Variants in DAAM1 observed in about 807,000 individuals in gnomAD.
The protein encoded by DAAM1 is dishevelled associated activator of morphogenesis 1.
A neutral mutation model predicts 130.0 loss-of-function variants in DAAM1; 52 were observed. The ratio of observed to expected loss-of-function variants is 0.40; its 90% CI spans 0.32 to 0.50. The LOEUF (loss-of-function observed/expected upper bound fraction) is 0.50. DAAM1 is among the 20% of genes least tolerant of loss of function. The pLI, the probability that DAAM1 is intolerant of heterozygous loss-of-function variation, is 0.61. For synonymous variants in DAAM1, 452 were observed against 444.5 expected, an observed-to-expected ratio of 1.02 and a Z score of -0.21; for missense variants, 1,134 against 1,303.8, an observed-to-expected ratio of 0.87 and a Z score of 2.01.
intron 2 of DAAM1, among the ~76,000 whole-genome samples, chr14:59,285,135 A>G (rs1360299432): frequency 1.3e-5 from 2 of 152,198 alleles, no homozygotes; most frequent in African/African-American, 4.8e-5. Context: ...ATAAGCCAGA[A>G]GAGATTCAGG....
intron 1 of DAAM1, among the ~76,000 whole-genome samples, chr14:59,217,849 T>A (rs750770226): frequency 8.6e-5 from 13 of 151,776 alleles, no homozygotes; most frequent in Non-Finnish European, 1.9e-4. Flanking sequence ...TAGCCGGGCG[T>A]GGTGGTGGGC....
rs1241596666 is a variant in DAAM1, at chr14:59,370,341, C to G, written c.*1482C>G. The G allele has an allele frequency of 6.6e-6, 1 of 151,766 alleles. No individual in the cohort carries two copies. The highest frequency in any genetic ancestry group is 2.4e-5 in the African/African-American group (1 of 41,302). The allele number at this position is 151,766 out of a possible 1,614,324, so 9.4% of individuals were successfully genotyped here. ...CAATTAACAAATATTTATTAAGTTCCTACTATGTACCAGGCATAGTAGGGC... is the reference window on the plus strand; with the variant it reads ...CAATTAACAAATATTTATTAAGTTCGTACTATGTACCAGGCATAGTAGGGC... On this transcript the variant is annotated 3_prime_UTR_variant, in exon 25 of 25. Transcript: ENST00000360909.
chr14:59,238,494 C>G (rs1889374115), intron 1 of DAAM1, among the ~76,000 whole-genome samples: 1 of 152,048 alleles, frequency 6.6e-6, no homozygotes, highest in African/African-American at 2.4e-5. Flanking sequence ...CTTTTGTTTC[C>G]CACCCTCTGG....
intron 1 of DAAM1, among the ~76,000 whole-genome samples, chr14:59,255,010 A>T (rs895334399): frequency 6.6e-6 from 1 of 152,022 alleles, no homozygotes; most frequent in Admixed American, 6.5e-5. Flanking sequence ...TCTGGCTTCC[A>T]CTCTGTGTCC....
rs937104572 is a variant in DAAM1, at chr14:59,355,457, C to G, written c.2525+124C>G. Reference sequence around the variant, plus strand: ...TTCTTCAGTTGGAACTTCTCTTTCTCACTACTTTCTTCCCTTCTCTGACAT... The same window carrying G: ...TTCTTCAGTTGGAACTTCTCTTTCTGACTACTTTCTTCCCTTCTCTGACAT... On this transcript the variant is annotated intron_variant, in intron 20 of 24. Transcript: ENST00000360909. 8.4e-6 allele frequency: 10 copies of G among 1,196,604 alleles called. No homozygotes were observed. In the African/African-American group the frequency reaches 1.2e-4, roughly 15 times the overall value. The allele number at this position is 1,196,604 out of a possible 1,614,324, so 74.1% of individuals were successfully genotyped here.
chr14:59,309,334 A>T (rs560571622), intron 3 of DAAM1, among the ~76,000 whole-genome samples: 1 of 152,364 alleles, frequency 6.6e-6, no homozygotes, highest in South Asian at 2.1e-4. Flanking sequence ...CAGGCATGGT[A>T]GGTCACTGCT....
At chr14:59,302,343 C>A (rs753624293) in intron 3 of DAAM1, among the ~76,000 whole-genome samples, 2 of 152,180 alleles carry the variant, frequency 1.3e-5, no homozygotes, top group African/African-American at 4.8e-5. Flanking sequence ...CAATATACAG[C>A]TGAGAAAAAG....
chr14:59,289,784 A>ATATATATATATATATACATATATATATAT, intron 2 of DAAM1, among the ~76,000 whole-genome samples: 3 of 128,704 alleles, frequency 2.3e-5, no homozygotes, highest in African/African-American at 5.7e-5. Context: ...ATATATATAT[A>ATATATATATATATATACATATATATATAT]ATGGAATGCT....
chr14:59,192,222 G>T (rs1238695945), intron 1 of DAAM1, among the ~76,000 whole-genome samples: 1 of 151,222 alleles, frequency 6.6e-6, no homozygotes, highest in Non-Finnish European at 1.5e-5. Flanking sequence ...TTAAAAGGCT[G>T]CTTTTAGTGT....
chr14:59,215,920 C>T (rs745948716), intron 1 of DAAM1, among the ~76,000 whole-genome samples: 1 of 152,148 alleles, frequency 6.6e-6, no homozygotes, highest in Non-Finnish European at 1.5e-5. Flanking sequence ...CTTAGGACAG[C>T]CTTTCTCACG....
intron 3 of DAAM1, among the ~76,000 whole-genome samples, chr14:59,311,781 T>C (rs1234766894): frequency 6.6e-6 from 1 of 152,194 alleles, no homozygotes; most frequent in Non-Finnish European, 1.5e-5. Flanking sequence ...GGTGAACTCC[T>C]AGGCTCAAGT....
At chr14:59,290,952 CTG>C (rs1212348742) in intron 2 of DAAM1, among the ~76,000 whole-genome samples, 2 of 152,190 alleles carry the variant, frequency 1.3e-5, no homozygotes, top group African/African-American at 2.4e-5. Flanking sequence ...ATAATTCTGT[CTG>C]TGCTTGGTCC....
At chr14:59,329,082 A>G (rs1236973166) in intron 12 of DAAM1, among the ~76,000 whole-genome samples, 3 of 152,200 alleles carry the variant, frequency 2.0e-5, no homozygotes, top group African/African-American at 4.8e-5. Context: ...AATAGATACC[A>G]TTTGTGGAGA....
intron 6 of DAAM1, 110 bp from the exon 7 acceptor site, chr14:59,324,018 C>G: frequency 1.5e-6 from 1 of 651,218 alleles, no homozygotes; most frequent in Non-Finnish European, 2.2e-6. Context: ...GGCAACAGAG[C>G]AAGACTCCGT....
chr14:59,247,224 C>T (rs1039192004), intron 1 of DAAM1, among the ~76,000 whole-genome samples: 2 of 152,112 alleles, frequency 1.3e-5, no homozygotes, highest in African/African-American at 4.8e-5. Context: ...TTTCTGGGCT[C>T]TCTGTTCTAT....
At chr14:59,301,250 A>G (rs550777665) in intron 3 of DAAM1, among the ~76,000 whole-genome samples, 2 of 152,158 alleles carry the variant, frequency 1.3e-5, no homozygotes, top group Non-Finnish European at 2.9e-5. Context: ...TAAAAACAAA[A>G]ACTCAAGGTT....
intron 2 of DAAM1, among the ~76,000 whole-genome samples, chr14:59,287,409 A>G (rs1883510524): frequency 6.6e-6 from 1 of 152,208 alleles, no homozygotes; most frequent in Admixed American, 6.5e-5. Context: ...CTTCTATGCA[A>G]CGTGGTATTG....
At chr14:59,302,343 C>T (rs753624293) in intron 3 of DAAM1, among the ~76,000 whole-genome samples, 11 of 152,180 alleles carry the variant, frequency 7.2e-5, no homozygotes, top group Non-Finnish European at 1.2e-4. Flanking sequence ...CAATATACAG[C>T]TGAGAAAAAG....
intron 23 of DAAM1, among the ~76,000 whole-genome samples, chr14:59,366,603 A>G (rs1303387915): frequency 6.6e-6 from 1 of 152,244 alleles, no homozygotes; most frequent in African/African-American, 2.4e-5. Flanking sequence ...ATAAAAAGTC[A>G]TAGGAGGTCA....
Sources: allele counts gnomAD v4.1 joint callset (sites outside exome capture counted in the v4.1 genomes callset), GRCh38; gene constraint gnomAD v4.1.1; transcripts MANE v1.5; gene names NCBI Gene and HGNC (gene_info 2026-07-23, HGNC 2026-07-21).